Variants in DEFB129 observed in about 807,000 individuals in gnomAD.
The protein encoded by DEFB129 is defensin beta 129, also known as beta-defensin 129.
In DEFB129, 2 loss-of-function variants were observed where a neutral mutation model predicts 2.5. The ratio of observed to expected loss-of-function variants is 0.80; its 90% CI spans 0.33 to 2.53. DEFB129 has a LOEUF of 2.53. Among genes scored for constraint, DEFB129 ranks in the 30% most tolerant of loss-of-function variants. The probability of loss-of-function intolerance (pLI) is 0.11; values close to 1 mark genes in which losing one functional copy is unlikely to be tolerated. For synonymous variants in DEFB129, 76 were observed against 74.4 expected (o/e 1.02, Z -0.11); for missense variants, 177 against 216.9 (o/e 0.82, Z 1.16).
At chr20:228,763 A>G (rs7274629) in intron 1 of DEFB129, among the ~76,000 whole-genome samples, 5,391 of 152,284 alleles carry the variant, frequency 0.035, 175 homozygotes, top group African/African-American at 0.089. Context: ...GCTAGAAGAG[A>G]TAGAACACCA....
intron 1 of DEFB129, 39 bp from the exon 2 acceptor site, chr20:229,239 A>T (rs768540940): frequency 9.8e-6 from 15 of 1,537,308 alleles, no homozygotes; most frequent in Non-Finnish European, 1.3e-5. Flanking sequence ...ATCTCTAGTT[A>T]TTAACCTTGG....
At chr20:228,514 T>C (rs2011305827) in intron 1 of DEFB129, among the ~76,000 whole-genome samples, 2 of 152,212 alleles carry the variant, frequency 1.3e-5, no homozygotes, top group South Asian at 4.1e-4. Flanking sequence ...CATAAATCTC[T>C]TGTAATTTAG....
rs1358407938 is a variant in DEFB129, at chr20:229,822, T to A, written c.*51T>A. 1 of 1,557,058 alleles carries A rather than the reference T, an allele frequency of 6.4e-7. No homozygotes were observed. The highest frequency in any genetic ancestry group is 1.8e-5 in the Admixed American group (1 of 55,330). On this transcript the variant is annotated 3_prime_UTR_variant, in exon 2 of 2. Coordinates refer to ENST00000246105, the MANE Select transcript of DEFB129 (RefSeq NM_080831.4). Reference sequence around the variant, plus strand: ...AGTTCCTCTCTATTTTTGCTATCTATAAAATGACATAGAACTGTTTCCTCT... The same window carrying A: ...AGTTCCTCTCTATTTTTGCTATCTAAAAAATGACATAGAACTGTTTCCTCT...
Position 229,800 on chromosome 20 carries a change from T to G in DEFB129, c.*29T>G. On this transcript the variant is annotated 3_prime_UTR_variant, in exon 2 of 2. Coordinates refer to ENST00000246105, the MANE Select transcript of DEFB129 (RefSeq NM_080831.4). ...GGATCTTTCCCTTAAAACTCCAAGT[T>G]CCTCTCTATTTTTGCTATCTATAAA... 6 of 1,580,700 alleles carry G rather than the reference T, an allele frequency of 3.8e-6. No individual in the cohort carries two copies. Among genetic ancestry groups the G allele is most frequent in the Non-Finnish European group, 4.3e-6 (5 of 1,169,368 alleles).
At chr20:227,810 C>T (rs2011298821) in intron 1 of DEFB129, among the ~76,000 whole-genome samples, 1 of 152,026 alleles carries the variant, frequency 6.6e-6, no homozygotes, top group African/African-American at 2.4e-5. Flanking sequence ...GGTATTAAGC[C>T]CAGGATGCAT....
chr20:228,797 T>C (rs1482595781), intron 1 of DEFB129, among the ~76,000 whole-genome samples: 1 of 152,140 alleles, frequency 6.6e-6, no homozygotes, highest in Admixed American at 6.5e-5. Context: ...ACAGATCTAG[T>C]GATTGTTGAG....
rs761828649 is a variant in DEFB129, at chr20:229,264, C to CT, written c.59-7dup. On this transcript the variant is annotated splice_polypyrimidine_tract_variant and intron_variant, in intron 1 of 1. Coordinates refer to ENST00000246105, the MANE Select transcript of DEFB129 (RefSeq NM_080831.4). ...ATTAACCTTGGCTCAATGGCTTTCT[C>CT]TTTTTTTATACAGAATTTATTGGCT... 3.2e-6 allele frequency: 5 copies of CT among 1,552,976 alleles called. No individual in the cohort carries two copies. Among genetic ancestry groups the CT allele is most frequent in the Non-Finnish European group, 4.3e-6 (5 of 1,156,420 alleles).
At chr20:227,596 C>G (rs2011295348) in intron 1 of DEFB129, among the ~76,000 whole-genome samples, 1 of 152,166 alleles carries the variant, frequency 6.6e-6, no homozygotes, top group Non-Finnish European at 1.5e-5. Context: ...CAGAAACTAT[C>G]CAAAATATAA....
rs969370328 is a variant in DEFB129 at position 229,386 on chromosome 20, G to C, written c.167G>C (p.Gly56Ala). Residue 56 changes from glycine to alanine, a missense_variant, in exon 2 of 2, where the codon GGA becomes GCA. Coordinates refer to ENST00000246105, the MANE Select transcript of DEFB129 (RefSeq NM_080831.4). ...QKCKMKKCCVGPKVVKLIKNY... is the reference protein window; with the variant it reads ...QKCKMKKCCVAPKVVKLIKNY... ...TGCAAGATGAAAAAATGTTGTGTTGGACCAAAAGTGGTTAAATTGATTAAA... is the reference window on the plus strand; with the variant it reads ...TGCAAGATGAAAAAATGTTGTGTTGCACCAAAAGTGGTTAAATTGATTAAA... The C allele has an allele frequency of 6.2e-7, 1 of 1,614,028 alleles. No homozygotes were observed. The highest frequency in any genetic ancestry group is 1.7e-5 in the Admixed American group (1 of 59,998).
chr20:228,350 A>G (rs2122158849), intron 1 of DEFB129, among the ~76,000 whole-genome samples: 1 of 152,364 alleles, frequency 6.6e-6, no homozygotes, highest in Non-Finnish European at 1.5e-5. Context: ...ATCTTGGGTA[A>G]AGTCACTTAA....
rs1391477768 is a variant in DEFB129, at chr20:229,803, T to C, written c.*32T>C. The C allele has an allele frequency of 1.3e-6, 2 of 1,577,488 alleles. No individual in the cohort carries two copies. The highest frequency in any genetic ancestry group is 1.7e-6 in the Non-Finnish European group (2 of 1,168,214). On this transcript the variant is annotated 3_prime_UTR_variant, in exon 2 of 2. Transcript: ENST00000246105. ...TCTTTCCCTTAAAACTCCAAGTTCC[T>C]CTCTATTTTTGCTATCTATAAAATG...
At chr20:228,333 C>T (rs1054124350) in intron 1 of DEFB129, among the ~76,000 whole-genome samples, 1 of 152,190 alleles carries the variant, frequency 6.6e-6, no homozygotes, top group Admixed American at 6.5e-5. Flanking sequence ...GCAAGTATGG[C>T]TGTGTCATCT....
chr20:228,693 G>A (rs2011307191), intron 1 of DEFB129, among the ~76,000 whole-genome samples: 1 of 152,170 alleles, frequency 6.6e-6, no homozygotes, highest in African/African-American at 2.4e-5. Context: ...TACCTTGGTG[G>A]ATATGAGGTT....
Position 229,186 on chromosome 20 carries a change from C to T in DEFB129, c.59-92C>T, listed in dbSNP as rs149208180. 6.2e-4 allele frequency: 916 copies of T among 1,469,258 alleles called. 5 individuals carry two copies. In the African/African-American group the frequency reaches 0.011, roughly 18 times the overall value. 91.0% of individuals were successfully genotyped at this position (1,469,258 alleles called of 1,614,324 possible). Reference sequence around the variant, plus strand: ...GGGCTTAAAATGTAGTATGAGTAAACTCTCTCTTAGTCTATCCATCTCCCA... The same window carrying T: ...GGGCTTAAAATGTAGTATGAGTAAATTCTCTCTTAGTCTATCCATCTCCCA... On this transcript the variant is annotated intron_variant, in intron 1 of 1. Transcript: ENST00000246105.
At chr20:227,634 A>G (rs1011421009) in intron 1 of DEFB129, among the ~76,000 whole-genome samples, 6 of 152,136 alleles carry the variant, frequency 3.9e-5, no homozygotes, top group Non-Finnish European at 7.4e-5. Flanking sequence ...GTATATGTCT[A>G]TCATGCTAAG....
Position 229,554 on chromosome 20 carries a change from C to G in DEFB129, c.335C>G (p.Ala112Gly), listed in dbSNP as rs2011317619. Residue 112 changes from alanine (A) to glycine (G), a missense_variant, in exon 2 of 2, where the codon GCT becomes GGT. By Grantham distance (60) the Ala-to-Gly change is moderately conservative. Coordinates refer to ENST00000246105, the MANE Select transcript of DEFB129 (RefSeq NM_080831.4). Reference protein sequence around the residue: ...LPQIKSTSFFANTNFVIIPNA... With the variant: ...LPQIKSTSFFGNTNFVIIPNA... Reference sequence around the variant, plus strand: ...CAAATCAAAAGCACTAGCTTTTTTGCTAATACCAACTTTGTCATCATTCCA... The same window carrying G: ...CAAATCAAAAGCACTAGCTTTTTTGGTAATACCAACTTTGTCATCATTCCA... 1 of 1,614,006 alleles carries G rather than the reference C, an allele frequency of 6.2e-7. No homozygotes were observed. Among genetic ancestry groups the G allele is most frequent in the Non-Finnish European group, 8.5e-7 (1 of 1,180,012 alleles).
At chr20:227,707 A>ATTTTTT (rs780439922) in intron 1 of DEFB129, among the ~76,000 whole-genome samples, 19 of 151,518 alleles carry the variant, frequency 1.3e-4, no homozygotes, top group African/African-American at 4.6e-4. Context: ...TTTTTTTAAA[A>ATTTTTT]AAAGTCCTGG....
rs758459265 is a variant in DEFB129 at position 229,818 on chromosome 20, T to A, written c.*47T>A. On this transcript the variant is annotated 3_prime_UTR_variant, in exon 2 of 2. Coordinates refer to ENST00000246105, the MANE Select transcript of DEFB129 (RefSeq NM_080831.4). ...TCCAAGTTCCTCTCTATTTTTGCTA[T>A]CTATAAAATGACATAGAACTGTTTC... The A allele has an allele frequency of 1.9e-6, 3 of 1,563,776 alleles. No individual in the cohort carries two copies. In the South Asian group the frequency reaches 3.6e-5, roughly 19 times the overall value.
Position 229,843 on chromosome 20 carries a change from C to T in DEFB129, c.*72C>T. On this transcript the variant is annotated 3_prime_UTR_variant, in exon 2 of 2. Coordinates refer to ENST00000246105, the MANE Select transcript of DEFB129 (RefSeq NM_080831.4). ...TCTATAAAATGACATAGAACTGTTT[C>T]CTCTGTCATCAGTCATTCAATAAAC... The T allele has an allele frequency of 6.6e-7, 1 of 1,516,576 alleles. No homozygotes were observed. Among genetic ancestry groups the T allele is most frequent in the East Asian group, 2.3e-5 (1 of 43,090 alleles). 93.9% of individuals were successfully genotyped at this position (1,516,576 alleles called of 1,614,324 possible).
Sources: allele counts gnomAD v4.1 joint callset (sites outside exome capture counted in the v4.1 genomes callset), GRCh38; gene constraint gnomAD v4.1.1; transcripts MANE v1.5; gene names NCBI Gene and HGNC (gene_info 2026-07-23, HGNC 2026-07-21).